The following ADAMTSL1 variants were observed in gnomAD, a reference collection of about 807,000 sequenced individuals.
The protein encoded by ADAMTSL1 is ADAMTS-like protein 1.
ADAMTSL1 carries 126 observed loss-of-function variants against 201.8 expected under a neutral mutation model. That is an observed-to-expected ratio of 0.62 (90% confidence interval 0.54 to 0.72). The LOEUF is 0.72. Among genes scored for constraint, ADAMTSL1 ranks in the 30% least tolerant of loss-of-function variants. The probability of loss-of-function intolerance (pLI) is 0.00; values close to 1 mark genes in which losing one functional copy is unlikely to be tolerated. For missense variants in ADAMTSL1, 2,679 were observed against 2,277.8 expected (o/e 1.18, Z -3.59); for synonymous variants, 1,121 against 903.4 (o/e 1.24, Z -4.32).
At chr9:18,007,034 A>G (rs939356547) in intron 1 of ADAMTSL1, among the ~76,000 whole-genome samples, 1 of 152,054 alleles carries the variant, frequency 6.6e-6, no homozygotes, top group African/African-American at 2.4e-5. Flanking sequence ...AAAACAGAGA[A>G]ATTCCCCATT....
At chr9:18,617,833 T>C (rs79776182) in intron 4 of ADAMTSL1, among the ~76,000 whole-genome samples, 1,853 of 152,234 alleles carry the variant, frequency 0.012, 42 homozygotes, top group African/African-American at 0.043. Context: ...TATTGCAAAA[T>C]AAGCAACACT....
intron 2 of ADAMTSL1, among the ~76,000 whole-genome samples, chr9:18,414,087 A>G (rs1172582583): frequency 6.6e-6 from 1 of 152,226 alleles, no homozygotes; most frequent in Non-Finnish European, 1.5e-5. Context: ...GTTACAAAAG[A>G]TATTTTCTCT....
intron 1 of ADAMTSL1, among the ~76,000 whole-genome samples, chr9:17,943,594 T>C (rs1827331606): frequency 6.6e-6 from 1 of 152,134 alleles, no homozygotes; most frequent in Non-Finnish European, 1.5e-5. Context: ...GCTTATGAGC[T>C]ATGAATTTGA....
rs41268989 is a variant in ADAMTSL1 at position 18,908,716 on chromosome 9, G to A, written c.*168G>A. ...CACCTTCAAGCATAAGGACGTCCGCGTGTTTTCTCTTTCAGTTAGCTGGAG... is the reference window on the plus strand; with the variant it reads ...CACCTTCAAGCATAAGGACGTCCGCATGTTTTCTCTTTCAGTTAGCTGGAG... On this transcript the variant is annotated 3_prime_UTR_variant, in exon 29 of 29. Transcript: ENST00000380548. 5.0e-3 allele frequency: 2,888 copies of A among 582,962 alleles called. 21 individuals are homozygous for A. The highest frequency in any genetic ancestry group is 7.3e-3 in the Non-Finnish European group (2,425 of 330,092). The allele number at this position is 582,962 out of a possible 1,614,324, so 36.1% of individuals were successfully genotyped here.
intron 2 of ADAMTSL1, among the ~76,000 whole-genome samples, chr9:18,216,159 A>C (rs534537135): frequency 8.5e-5 from 13 of 152,168 alleles, no homozygotes; most frequent in Non-Finnish European, 1.0e-4. Context: ...CAATAATAAC[A>C]ATAATAAAAT....
At chr9:18,345,025 A>G (rs1432080197) in intron 2 of ADAMTSL1, among the ~76,000 whole-genome samples, 1 of 152,108 alleles carries the variant, frequency 6.6e-6, no homozygotes, top group Non-Finnish European at 1.5e-5. Context: ...GAGAGTGGCC[A>G]GGTGACTCTG....
At chr9:18,774,448 G>A (rs1820866179) in intron 17 of ADAMTSL1, among the ~76,000 whole-genome samples, 1 of 151,710 alleles carries the variant, frequency 6.6e-6, no homozygotes, top group African/African-American at 2.4e-5. Flanking sequence ...AAATTTCCCT[G>A]TCTCCCATCT....
chr9:18,178,597 G>A (rs1017423646), intron 2 of ADAMTSL1, among the ~76,000 whole-genome samples: 37 of 151,842 alleles, frequency 2.4e-4, no homozygotes, highest in Middle Eastern at 6.8e-3. Context: ...CAAAAAGACA[G>A]CAGTAACCTC....
intron 2 of ADAMTSL1, among the ~76,000 whole-genome samples, chr9:18,338,987 T>C (rs1835358831): frequency 1.3e-5 from 2 of 152,184 alleles, no homozygotes; most frequent in Non-Finnish European, 2.9e-5. Flanking sequence ...GATTCCATTG[T>C]CTATACGTAC....
intron 22 of ADAMTSL1, 142 bp downstream of exon 22, chr9:18,826,605 G>A: frequency 9.7e-7 from 1 of 1,032,032 alleles, no homozygotes; most frequent in Non-Finnish European, 1.4e-6. Flanking sequence ...CCAATTTAGG[G>A]CCTTTCGATA....
In ADAMTSL1 at chr9:18,657,736, C is replaced by A. The variant is rs1229156138; in HGVS notation, c.932C>A (p.Ala311Glu). 5 of 1,613,520 alleles carry A rather than the reference C, an allele frequency of 3.1e-6. No homozygotes were observed. Among genetic ancestry groups the A allele is most frequent in the Non-Finnish European group, 4.2e-6 (5 of 1,179,414 alleles). ...GAGACGGATTTCTTTCCTTGCTCAG[C>A]AACCTGTGGAGGAGGTAATGGTGTT... The part of the protein sequence containing the change: ...WRETDFFPCS[A>E]TCGGGYQLTS... Residue 311 changes from alanine (A) to glutamate (E), a missense_variant, in exon 8 of 29, where the codon GCA becomes GAA. Physicochemically the swap from Ala to Glu is moderately radical, Grantham distance 107 (BLOSUM62 -1). Coordinates refer to ENST00000380548, the MANE Select transcript of ADAMTSL1 (RefSeq NM_001040272.6).
At chr9:18,293,771 C>T (rs1423718165) in intron 2 of ADAMTSL1, among the ~76,000 whole-genome samples, 1 of 152,168 alleles carries the variant, frequency 6.6e-6, no homozygotes, top group South Asian at 2.1e-4. Context: ...GTATTACCTT[C>T]TGCCCATAAA....
intron 1 of ADAMTSL1, among the ~76,000 whole-genome samples, chr9:18,487,617 A>G (rs1158427196): frequency 1.3e-5 from 2 of 152,208 alleles, no homozygotes; most frequent in Non-Finnish European, 2.9e-5. Flanking sequence ...ATGTCGTGTC[A>G]TATAAGCCTG....
At chr9:17,993,376 C>A (rs1285522221) in intron 1 of ADAMTSL1, among the ~76,000 whole-genome samples, 2 of 152,088 alleles carry the variant, frequency 1.3e-5, no homozygotes, top group Non-Finnish European at 2.9e-5. Context: ...TAAATGGATA[C>A]CTCTGCTATA....
At chr9:17,961,341 C>G (rs903019253) in intron 1 of ADAMTSL1, among the ~76,000 whole-genome samples, 2 of 152,058 alleles carry the variant, frequency 1.3e-5, no homozygotes, top group Non-Finnish European at 2.9e-5. Flanking sequence ...CTCCACCTCC[C>G]GGGTTCAAGT....
intron 1 of ADAMTSL1, among the ~76,000 whole-genome samples, chr9:17,977,095 T>A (rs1818484597): frequency 6.6e-6 from 1 of 152,132 alleles, no homozygotes; most frequent in Non-Finnish European, 1.5e-5. Flanking sequence ...TGATCTTTTA[T>A]CTTTCATTCT....
intron 4 of ADAMTSL1, among the ~76,000 whole-genome samples, chr9:18,605,897 A>G (rs1824980791): frequency 6.6e-6 from 1 of 152,156 alleles, no homozygotes; most frequent in African/African-American, 2.4e-5. Context: ...TGGGTGGTGG[A>G]AGCAGAGGTA....
intron 1 of ADAMTSL1, among the ~76,000 whole-genome samples, chr9:17,959,236 AT>A (rs764037261): frequency 4.6e-4 from 70 of 152,214 alleles, no homozygotes; most frequent in Admixed American, 1.2e-3. Flanking sequence ...TTTAGATGTT[AT>A]TTGATTAATG....
At chr9:18,045,520 A>G (rs1213609617) in intron 1 of ADAMTSL1, among the ~76,000 whole-genome samples, 1 of 152,222 alleles carries the variant, frequency 6.6e-6, no homozygotes, top group Non-Finnish European at 1.5e-5. Flanking sequence ...GTCTACAAAG[A>G]TACCCATTCA....
Sources: gnomAD v4.1 joint callset for allele counts (sites outside exome capture counted in the v4.1 genomes callset) on GRCh38, gnomAD v4.1.1 for gene constraint, MANE v1.5 for transcripts, NCBI Gene and HGNC (gene_info 2026-07-23, HGNC 2026-07-21) for gene names.